FAT1: variants seen among roughly 807,000 people sequenced by gnomAD.
The protein encoded by FAT1 is protocadherin Fat 1.
FAT1 carries 171 observed loss-of-function variants against 329.8 expected under a neutral mutation model. The ratio of observed to expected loss-of-function variants is 0.52; its 90% CI spans 0.46 to 0.59. The LOEUF (loss-of-function observed/expected upper bound fraction) is 0.59, where lower values mean the gene tolerates loss of function less well. Among genes scored for constraint, FAT1 ranks in the 20% least tolerant of loss-of-function variants. The probability of loss-of-function intolerance (pLI) is 0.00; values close to 1 mark genes in which losing one functional copy is unlikely to be tolerated. For synonymous variants in FAT1, 2,233 were observed against 2,228.6 expected, an observed-to-expected ratio of 1.00 and a Z score of -0.06; for missense variants, 5,672 against 5,774.4, an observed-to-expected ratio of 0.98 and a Z score of 0.57.
At chr4:186,661,052 C>A (rs162062) in intron 3 of FAT1, among the ~76,000 whole-genome samples, 24,242 of 152,186 alleles carry the variant, frequency 0.16, 2,780 homozygotes, top group African/African-American at 0.32. Context: ...TAGTCTAATT[C>A]ATCAAACAAA....
Position 186,652,011 on chromosome 4 carries a change from G to T in FAT1, c.3580+11288C>A, listed in dbSNP as rs62350425. Among the ~76,000 whole-genome samples, 722 of 152,312 alleles carry T rather than the reference G, an allele frequency of 4.7e-3. 8 individuals carry two copies. The highest frequency in any genetic ancestry group is 8.1e-3 in the South Asian group (39 of 4,820). On this transcript the variant is annotated intron_variant, in intron 3 of 26. Coordinates refer to ENST00000441802, the MANE Select transcript of FAT1 (RefSeq NM_005245.4). The stretch of plus-strand genomic sequence containing the variant: ...TGGAAAGCAGCTCAGAACTCATTTA[G>T]TTCAAACTTTCAGAGTTCCAAAGAA...
intron 2 of FAT1, among the ~76,000 whole-genome samples, chr4:186,684,457 A>C (rs1743370657): frequency 6.6e-6 from 1 of 152,172 alleles, no homozygotes; most frequent in Admixed American, 6.5e-5. Context: ...TAGGACCATG[A>C]ACTGTGCTCC....
rs763783763 is a variant in FAT1 at position 186,596,549 on chromosome 4, C to G, written c.12991G>C (p.Asp4331His). The G allele has an allele frequency of 1.9e-6, 3 of 1,611,904 alleles. No individual in the cohort carries two copies. The highest frequency in any genetic ancestry group is 2.7e-5 in the African/African-American group (2 of 74,788). The change falls in exon 25 of 27, where the codon GAC becomes CAC. Residue 4331 changes from aspartate to histidine, a missense_variant. Asp to His is a moderately conservative substitution (Grantham distance 81, BLOSUM62 -1). Around this residue, in one of 2 missense-constraint regions of FAT1, gnomAD observed 1,706 missense variants for 1,859.1 expected, o/e 0.92. Transcript: ENST00000441802. This position sits in a 1 kb window ranked among gnomAD's most constrained non-coding sequence, Gnocchi z 4.7. ...AAAAAGTGGCTCTTACTGTCATAGT[C>G]AAAGTCCCAGCTAGGCTTCTGGATG... is the stretch of plus-strand genomic sequence containing the variant. ...DSIQKPSWDF[D>H]YDTKVVDLDP...
At chr4:186,603,148 C>G (rs2126424122) in intron 19 of FAT1, 28 bp downstream of exon 19, 1 of 1,609,442 alleles carries the variant, frequency 6.2e-7, no homozygotes, top group African/African-American at 1.3e-5. Context: ...ATCTGTGACA[C>G]CGACTTTCAT....
chr4:186,610,763 G>C (rs1223253556), intron 14 of FAT1, among the ~76,000 whole-genome samples: 1 of 121,212 alleles, frequency 8.3e-6, no homozygotes. Context: ...ATATAAATTT[G>C]AATGGAGCAA....
Position 186,708,926 on chromosome 4 carries a change from T to C in FAT1, c.902A>G (p.Gln301Arg), listed in dbSNP as rs1744797590. The change falls in exon 2 of 27, where the codon CAG becomes CGG. Residue 301 changes from glutamine (Q) to arginine (R), a missense_variant. By Grantham distance (43) the Gln-to-Arg change is conservative (BLOSUM62 1). Coordinates refer to ENST00000441802, the MANE Select transcript of FAT1 (RefSeq NM_005245.4). Reference sequence around the variant, plus strand: ...AAAGGACCTCACTGTTCTAAACTGCTGGAGAAGGTCACCTGCCACGATGCT... The same window carrying C: ...AAAGGACCTCACTGTTCTAAACTGCCGGAGAAGGTCACCTGCCACGATGCT... Reference protein sequence around the residue: ...SLSIVAGDLLQQFRTVRSFPG... With the variant: ...SLSIVAGDLLRQFRTVRSFPG... 1.2e-6 allele frequency: 2 copies of C among 1,613,908 alleles called. No individual in the cohort carries two copies. The highest frequency in any genetic ancestry group is 2.7e-5 in the African/African-American group (2 of 74,940).
rs180926974 is a variant in FAT1 at position 186,711,874 on chromosome 4, C to T, written c.-18-2029G>A. On this transcript the variant is annotated intron_variant, in intron 1 of 26. Transcript: ENST00000441802. ...GGCAGAGATTGCAGTGAGCCGAGAT[C>T]GCGCCACTGCACTCCAGCCTGGGCA... 8.1e-3 allele frequency among the ~76,000 whole-genome samples: 1,230 copies of T among 152,208 alleles called. 22 individuals carry two copies. Among genetic ancestry groups the T allele is most frequent in the African/African-American group, 0.029 (1,202 of 41,524 alleles).
At chr4:186,593,455 T>C (rs1208119394) in intron 26 of FAT1, among the ~76,000 whole-genome samples, 1 of 152,218 alleles carries the variant, frequency 6.6e-6, no homozygotes, top group Non-Finnish European at 1.5e-5. Flanking sequence ...CCCAGGAGCC[T>C]GTGAATATGT....
chr4:186,723,765 CTCGCGCGTCCGCATGGTACCTG>C lies in FAT1; in HGVS notation c.-142_-121del, dbSNP rs1745575556. ...CGGGCCTGCCGGGGCCCTCGCCGGG[CTCGCGCGTCCGCATGGTACCTG>C]CCGCACGAGCCGCTCCCGCGCCCTC... On this transcript the variant is annotated 5_prime_UTR_variant, in exon 1 of 27. The change abolishes an upstream ATG in the 5' untranslated region. Transcript: ENST00000441802. 1 of 150,728 alleles carries C rather than the reference CTCGCGCGTCCGCATGGTACCTG, an allele frequency of 6.6e-6. No individual in the cohort carries two copies. Among genetic ancestry groups the C allele is most frequent in the Non-Finnish European group, 1.5e-5 (1 of 67,432 alleles). 9.3% of individuals were successfully genotyped at this position (150,728 alleles called of 1,614,324 possible).
In FAT1 at chr4:186,603,974, C is replaced by T. The variant is rs774313862; in HGVS notation, c.10552G>A (p.Ala3518Thr). The T allele has an allele frequency of 2.7e-5, 43 of 1,605,100 alleles. No homozygotes were observed. The highest frequency in any genetic ancestry group is 3.4e-5 in the Non-Finnish European group (40 of 1,172,906). Residue 3518 changes from alanine (A) to threonine (T), a missense_variant, in exon 19 of 27, where the codon GCA becomes ACA. Ala to Thr is a moderately conservative substitution (Grantham distance 58). This residue lies in a region of FAT1 where 1,706 missense variants were observed against 1,859.1 expected (regional missense o/e 0.92). Transcript: ENST00000441802. ...KDHYLLQVKVADNGKPQLSSL... is the reference protein window; with the variant it reads ...KDHYLLQVKVTDNGKPQLSSL... ...GACAACTGAGGCTTTCCATTATCTGCCACCTACAAGAAAAGAAAAATAAAA... is the reference window on the plus strand; with the variant it reads ...GACAACTGAGGCTTTCCATTATCTGTCACCTACAAGAAAAGAAAAATAAAA...
At chr4:186,616,481 C>T (rs1042993615) in intron 11 of FAT1, among the ~76,000 whole-genome samples, 1 of 152,106 alleles carries the variant, frequency 6.6e-6, no homozygotes, top group Admixed American at 6.5e-5. Context: ...CCCTCTGGCC[C>T]CAGGGACCAC....
At chr4:186,607,469 G>T in intron 16 of FAT1, among the ~76,000 whole-genome samples, 1 of 140,606 alleles carries the variant, frequency 7.1e-6, no homozygotes, top group Non-Finnish European at 1.5e-5. Flanking sequence ...ATGGGTGGGT[G>T]GGTGGGTGAG....
rs1365455410 is a variant in FAT1, at chr4:186,621,509, T to G, written c.5077A>C (p.Ser1693Arg). 2 of 1,614,038 alleles carry G rather than the reference T, an allele frequency of 1.2e-6. No individual in the cohort carries two copies. The highest frequency in any genetic ancestry group is 2.2e-5 in the South Asian group (2 of 91,076). Residue 1693 changes from serine to arginine, a missense_variant, in exon 10 of 27, where the codon AGT becomes CGT. This residue lies in a region of FAT1 where 3,966 missense variants were observed against 3,915.2 expected (regional missense o/e 1.01). Coordinates refer to ENST00000441802, the MANE Select transcript of FAT1 (RefSeq NM_005245.4). ...GSFVGMVTAH[S>R]QSSVVYEIKD... is the part of the protein sequence containing the mutation. ...ATTTCATACACCACTGATGATTGAC[T>G]ATGGGCTGTAACCATCCCAACGAAA...
At chr4:186,698,281 C>A (rs1744132375) in intron 2 of FAT1, among the ~76,000 whole-genome samples, 1 of 152,074 alleles carries the variant, frequency 6.6e-6, no homozygotes, top group South Asian at 2.1e-4. Context: ...CAGGAAGTGC[C>A]CCCGCAGCGA....
intron 9 of FAT1, among the ~76,000 whole-genome samples, chr4:186,626,992 G>T (rs545415371): frequency 9.4e-6 from 1 of 106,504 alleles, no homozygotes; most frequent in Non-Finnish European, 1.8e-5. Flanking sequence ...CACATAAAGC[G>T]AGCTTCATCA....
rs191458829 is a variant in FAT1 at position 186,677,177 on chromosome 4, G to A, written c.3266-13564C>T. On this transcript the variant is annotated intron_variant, in intron 2 of 26. Transcript: ENST00000441802. ...ACTTTAAAAATTGCAAACTGAAGAC[G>A]AACTACTTACAAGCAGTGTTCAGCT... is the stretch of plus-strand genomic sequence containing the variant. Among the ~76,000 whole-genome samples the A allele has an allele frequency of 2.9e-3, 448 of 152,036 alleles. 1 individual carries two copies. Among genetic ancestry groups the A allele is most frequent in the Admixed American group, 6.9e-3 (105 of 15,248 alleles).
At chr4:186,715,877 G>GA (rs748799878) in intron 1 of FAT1, among the ~76,000 whole-genome samples, 24 of 152,116 alleles carry the variant, frequency 1.6e-4, no homozygotes, top group Non-Finnish European at 3.1e-4. Context: ...AAATACGGCA[G>GA]AAAAATAACT....
chr4:186,643,824 T>G (rs2126580262), intron 3 of FAT1, among the ~76,000 whole-genome samples: 1 of 114,628 alleles, frequency 8.7e-6, no homozygotes, highest in South Asian at 3.1e-4. Flanking sequence ...AACATCGACT[T>G]CAAACATAAT....
chr4:186,613,369 T>C (rs775644098), intron 12 of FAT1, 27 bp from the exon 13 acceptor site: 1 of 1,565,424 alleles, frequency 6.4e-7, no homozygotes, highest in Admixed American at 1.7e-5. Flanking sequence ...ATGGACTCAC[T>C]TGTAATTTAA....
Sources: allele counts gnomAD v4.1 joint callset (sites outside exome capture counted in the v4.1 genomes callset), GRCh38; gene constraint gnomAD v4.1.1; regional missense constraint gnomAD v4.1.1; non-coding constraint Gnocchi (gnomAD v3.1); transcripts MANE v1.5; gene names NCBI Gene and HGNC (gene_info 2026-07-23, HGNC 2026-07-21).